The following KRT37 variants were observed in gnomAD, a reference collection of about 807,000 sequenced individuals.
KRT37 encodes keratin, type I cuticular Ha7.
In KRT37, 38 loss-of-function variants were observed where a neutral mutation model predicts 41.9. The observed-to-expected ratio is 0.91, with a 90% CI of 0.70 to 1.19. The LOEUF is 1.19. Ranked by LOEUF, KRT37 falls within the 50% of genes most tolerant of loss-of-function variation. The pLI, the probability that KRT37 is intolerant of heterozygous loss-of-function variation, is 0.00. For synonymous variants in KRT37, 252 were observed against 243.4 expected (o/e 1.04, Z -0.33); for missense variants, 580 against 575.5 (o/e 1.01, Z -0.08).
At position 41,422,715 on chromosome 17, in the gene KRT37, G is replaced by A. The variant is rs1030552518; in HGVS notation, c.732+63C>T. 5 of 1,427,664 alleles carry A rather than the reference G, an allele frequency of 3.5e-6. No individual in the cohort carries two copies. In the African/African-American group the frequency reaches 7.0e-5, roughly 20 times the overall value. 88.4% of individuals were successfully genotyped at this position (1,427,664 alleles called of 1,614,324 possible). ...CCAGGCAATGCTCTGAGAGCCCCAG[G>A]GCCGGGGAGCTCCCCTGTCTGCCCA... On this transcript the variant is annotated intron_variant, in intron 3 of 6. Coordinates refer to ENST00000225550, the MANE Select transcript of KRT37 (RefSeq NM_003770.5).
At chr17:41,422,529 G>A (rs1376663130) in intron 3 of KRT37, 95 bp from the exon 4 acceptor site, 25 of 1,506,416 alleles carry the variant, frequency 1.7e-5, no homozygotes, top group Admixed American at 7.1e-5. Context: ...GCAGTAGGAG[G>A]GGAGTCCCAC....
Position 41,422,268 on chromosome 17 carries a change from C to A in KRT37, c.894+5G>T. The A allele has an allele frequency of 1.2e-6, 2 of 1,613,880 alleles. No individual in the cohort carries two copies. Among genetic ancestry groups the A allele is most frequent in the South Asian group, 2.2e-5 (2 of 91,068 alleles). On this transcript the variant is annotated splice_donor_5th_base_variant and intron_variant, in intron 4 of 6. Transcript: ENST00000225550. ...GTACTCCCTGGCTCTGTAACCCCCA[C>A]TCACCTGGGCTTGGAACCACTGTTC... is the stretch of plus-strand genomic sequence containing the variant.
rs746964284 is a variant in KRT37, at chr17:41,424,177, G to A, written c.347C>T (p.Ala116Val). 7 of 1,614,232 alleles carry A rather than the reference G, an allele frequency of 4.3e-6. No individual in the cohort carries two copies. Among genetic ancestry groups the A allele is most frequent in the Non-Finnish European group, 5.1e-6 (6 of 1,180,038 alleles). The change falls in exon 1 of 7, where the codon GCC becomes GTC. Residue 116 changes from alanine to valine, a missense_variant. Physicochemically the swap from Ala to Val is moderately conservative, Grantham distance 64. Coordinates refer to ENST00000225550, the MANE Select transcript of KRT37 (RefSeq NM_003770.5). ...CTGGCGCACCTTCTCCAGGTAGTTG[G>A]CCAGGCGGTCATTCAGGAACTTCAT... ...ETMKFLNDRL[A>V]NYLEKVRQLE...
rs537686527 is a variant in KRT37 at position 41,423,794 on chromosome 17, G to A, written c.543C>T (p.Asn181=). ...TAAAGTCATCAGCAGCCAGCTTCGC[G>A]TTGTCAATTTGTACAATCAGCCTGG... is the stretch of plus-strand genomic sequence containing the variant. ...ENARLIVQID[N]AKLAADDFRI... Residue 181 remains asparagine, a synonymous_variant, in exon 2 of 7, where the codon AAC becomes AAT. Coordinates refer to ENST00000225550, the MANE Select transcript of KRT37 (RefSeq NM_003770.5). The A allele has an allele frequency of 1.6e-5, 26 of 1,614,220 alleles. No individual in the cohort carries two copies. Among genetic ancestry groups the A allele is most frequent in the South Asian group, 1.1e-4 (10 of 91,088 alleles).
rs1180166408 is a variant in KRT37 at position 41,421,449 on chromosome 17, A to G, written c.1159T>C (p.Tyr387His). ...GCCTTCACGTCCAGCAGCACCTGGTACTCCTGGTTCTGCCGCTCCAGGTCG... is the reference window on the plus strand; with the variant it reads ...GCCTTCACGTCCAGCAGCACCTGGTGCTCCTGGTTCTGCCGCTCCAGGTCG... ...RADLERQNQE[Y>H]QVLLDVKARL... The change falls in exon 6 of 7, where the codon TAC becomes CAC. Residue 387 changes from tyrosine to histidine, a missense_variant. Tyr to His is a moderately conservative substitution (Grantham distance 83). Coordinates refer to ENST00000225550, the MANE Select transcript of KRT37 (RefSeq NM_003770.5). The G allele has an allele frequency of 6.2e-7, 1 of 1,614,064 alleles. No individual in the cohort carries two copies. Among genetic ancestry groups the G allele is most frequent in the South Asian group, 1.1e-5 (1 of 91,078 alleles).
chr17:41,422,417 C>T lies in KRT37; in HGVS notation c.750G>A (p.Arg250=). 1 of 1,614,154 alleles carries T rather than the reference C, an allele frequency of 6.2e-7. No individual in the cohort carries two copies. The highest frequency in any genetic ancestry group is 1.1e-5 in the South Asian group (1 of 91,080). ...SNHEQEVKIL[R]SQLGEKFRIE... Reference sequence around the variant, plus strand: ...TCCGGAACTTCTCCCCCAGCTGACTCCTCAGAATCTTTACTTCCTGCAGAA... The same window carrying T: ...TCCGGAACTTCTCCCCCAGCTGACTTCTCAGAATCTTTACTTCCTGCAGAA... Residue 250 remains arginine, a synonymous_variant, in exon 4 of 7, where the codon AGG becomes AGA. Transcript: ENST00000225550.
chr17:41,423,183 G>C (rs1389973272), intron 2 of KRT37, among the ~76,000 whole-genome samples: 1 of 152,218 alleles, frequency 6.6e-6, no homozygotes, highest in African/African-American at 2.4e-5. Context: ...TAAATGCATG[G>C]ACTCATCCTA....
rs377717793 is a variant in KRT37 at position 41,422,032 on chromosome 17, G to T, written c.1020+37C>A. 5.0e-6 allele frequency: 8 copies of T among 1,613,792 alleles called. No homozygotes were observed. The African/African-American group carries it at 1.1e-4, about 22-fold the overall frequency. ...GATGCTACTACCAGGACATGGCATG[G>T]GGCATTTGCAGTGCAGTGAGGGTGA... On this transcript the variant is annotated intron_variant, in intron 5 of 6. Transcript: ENST00000225550.
intron 5 of KRT37, 86 bp from the exon 6 acceptor site, chr17:41,421,673 C>T (rs1256801931): frequency 8.7e-6 from 11 of 1,265,234 alleles, no homozygotes; most frequent in Admixed American, 6.0e-5. Context: ...ACACATAGGG[C>T]AAATTCCAAA....
At chr17:41,421,118 C>G (rs1378999179) in intron 6 of KRT37, 132 bp from the exon 7 acceptor site, 2 of 785,422 alleles carry the variant, frequency 2.5e-6, no homozygotes, top group East Asian at 2.7e-5. Context: ...CAACAGTTCT[C>G]TCATCTGTGT....
rs200892751 is a variant in KRT37, at chr17:41,423,836, G to A, written c.501C>T (p.Cys167=). ...TCAGCCTGGCATTCTCAGCCTTGCT[G>A]CACAGGATCTGAGGAAAACGGAAAG... The part of the protein sequence containing the change: ...TIEELQQKIL[C]SKAENARLIV... Residue 167 remains cysteine (C), a synonymous_variant, in exon 2 of 7, where the codon TGC becomes TGT. Transcript: ENST00000225550. 1 of 1,614,214 alleles carries A rather than the reference G, an allele frequency of 6.2e-7. No homozygotes were observed. The highest frequency in any genetic ancestry group is 1.7e-5 in the Admixed American group (1 of 60,024).
intron 6 of KRT37, 76 bp from the exon 7 acceptor site, chr17:41,421,062 G>A (rs2018532887): frequency 3.4e-6 from 4 of 1,167,514 alleles, no homozygotes; most frequent in Admixed American, 3.9e-5. Context: ...TCAGGGTGAA[G>A]GCTGGGCCTG....
intron 2 of KRT37, among the ~76,000 whole-genome samples, 158 bp from the exon 3 acceptor site, chr17:41,423,092 C>T (rs1365961894): frequency 2.6e-5 from 4 of 152,216 alleles, no homozygotes; most frequent in Admixed American, 2.0e-4. Flanking sequence ...GTAGTCAGGA[C>T]ATTATGCCCA....
rs2018540283 is a variant in KRT37 at position 41,421,562 on chromosome 17, C to T, written c.1046G>A (p.Cys349Tyr). The change falls in exon 6 of 7, where the codon TGT becomes TAT. Residue 349 changes from cysteine (C) to tyrosine (Y), a missense_variant. Cys to Tyr is a radical substitution (Grantham distance 194). Transcript: ENST00000225550. ...TGTGCCGTAGCGGTCCTCCGCTTCA[C>T]ACAGGGAGTTCTGCAGACAGTCCTT... Reference protein sequence around the residue: ...TLKDCLQNSLCEAEDRYGTEL... With the variant: ...TLKDCLQNSLYEAEDRYGTEL... 1.9e-6 allele frequency: 3 copies of T among 1,614,258 alleles called. No homozygotes were observed. The highest frequency in any genetic ancestry group is 2.5e-6 in the Non-Finnish European group (3 of 1,180,042).
Position 41,424,449 on chromosome 17 carries a change from G to C in KRT37, c.75C>G (p.Val25=), listed in dbSNP as rs760832889. Residue 25 remains valine (V), a synonymous_variant, in exon 1 of 7, where the codon GTC becomes GTG. Coordinates refer to ENST00000225550, the MANE Select transcript of KRT37 (RefSeq NM_003770.5). ...TMAPGARNVF[V]SPIDVGCQPV... ...GCTGGCACCCAACATCGATAGGAGA[G>C]ACAAAGACATTTCTTGCTCCAGGAG... 1 of 1,609,318 alleles carries C rather than the reference G, an allele frequency of 6.2e-7. No individual in the cohort carries two copies. Among genetic ancestry groups the C allele is most frequent in the South Asian group, 1.1e-5 (1 of 91,002 alleles).
chr17:41,421,192 C>T lies in KRT37; in HGVS notation c.1241+175G>A, dbSNP rs190814534. ...AGGGACCTGGCTATCATTTAGAGAA[C>T]ATTTTCTCAATAATCCAGTCTGCAC... On this transcript the variant is annotated intron_variant, in intron 6 of 6. Transcript: ENST00000225550. 9.8e-5 allele frequency among the ~76,000 whole-genome samples: 15 copies of T among 152,324 alleles called. No homozygotes were observed. In the East Asian group the frequency reaches 2.9e-3, roughly 29 times the overall value.
chr17:41,423,556 G>T (rs1363591564), intron 2 of KRT37: 1 of 573,338 alleles, frequency 1.7e-6, no homozygotes, highest in Admixed American at 3.1e-5. Context: ...CTAGACTACA[G>T]CCCTTCTTTT....
chr17:41,423,787 G>C lies in KRT37; in HGVS notation c.550C>G (p.Leu184Val). Residue 184 changes from leucine (L) to valine (V), a missense_variant, in exon 2 of 7, where the codon CTG (leucine) becomes GTG (valine). By Grantham distance (32) the Leu-to-Val change is conservative (BLOSUM62 1). Transcript: ENST00000225550. ...TTGATCCTAAAGTCATCAGCAGCCA[G>C]CTTCGCGTTGTCAATTTGTACAATC... ...RLIVQIDNAKLAADDFRIKLE... is the reference protein window; with the variant it reads ...RLIVQIDNAKVAADDFRIKLE... 6.2e-7 allele frequency: 1 copy of C among 1,614,226 alleles called. No individual in the cohort carries two copies. The highest frequency in any genetic ancestry group is 1.1e-5 in the South Asian group (1 of 91,086).
rs757881230 is a variant in KRT37 at position 41,421,564 on chromosome 17, C to T, written c.1044G>A (p.Leu348=). The T allele has an allele frequency of 6.2e-7, 1 of 1,614,242 alleles. No individual in the cohort carries two copies. Residue 348 remains leucine, a synonymous_variant, in exon 6 of 7, where the codon CTG becomes CTA. Transcript: ENST00000225550. ...HTLKDCLQNS[L]CEAEDRYGTE... is the part of the protein sequence containing the mutation. ...TGCCGTAGCGGTCCTCCGCTTCACACAGGGAGTTCTGCAGACAGTCCTTCT... is the reference window on the plus strand; with the variant it reads ...TGCCGTAGCGGTCCTCCGCTTCACATAGGGAGTTCTGCAGACAGTCCTTCT...
Sources: gnomAD v4.1 joint callset for allele counts (sites outside exome capture counted in the v4.1 genomes callset) on GRCh38, gnomAD v4.1.1 for gene constraint, MANE v1.5 for transcripts, NCBI Gene and HGNC (gene_info 2026-07-23, HGNC 2026-07-21) for gene names.